TLL1: variants seen among roughly 807,000 people sequenced by gnomAD.
TLL1 encodes the protein tolloid-like protein 1.
In TLL1, 49 loss-of-function variants were observed where a neutral mutation model predicts 128.2. The ratio of observed to expected loss-of-function variants is 0.38; its 90% CI spans 0.30 to 0.48. The LOEUF is 0.48. Among genes scored for constraint, TLL1 ranks in the 20% least tolerant of loss-of-function variants. The probability of loss-of-function intolerance (pLI) is 0.96; values close to 1 mark genes in which losing one functional copy is unlikely to be tolerated. For missense variants in TLL1, 1,123 were observed against 1,242.0 expected, an observed-to-expected ratio of 0.90 and a Z score of 1.44; for synonymous variants, 454 against 418.8, an observed-to-expected ratio of 1.08 and a Z score of -1.03.
At chr4:166,094,377 CATTCTT>C (rs1202279395) in intron 19 of TLL1, among the ~76,000 whole-genome samples, 1 of 152,054 alleles carries the variant, frequency 6.6e-6, no homozygotes, top group Non-Finnish European at 1.5e-5. Flanking sequence ...ATAAAACTGT[CATTCTT>C]ATTAGGTGAA....
chr4:166,007,472 GTTTAACTAATA>G (rs2111040513), intron 6 of TLL1, among the ~76,000 whole-genome samples: 1 of 151,740 alleles, frequency 6.6e-6, no homozygotes, highest in East Asian at 1.9e-4. Context: ...GCAGAGCTCT[GTTTAACTAATA>G]TTGCTTTTAT....
intron 1 of TLL1, among the ~76,000 whole-genome samples, chr4:165,921,572 T>G (rs1375272755): frequency 6.6e-6 from 1 of 152,190 alleles, no homozygotes; most frequent in African/African-American, 2.4e-5. Context: ...CCGGGGACCC[T>G]TCTTTCAAAG....
At chr4:165,912,615 C>G (rs1200355523) in intron 1 of TLL1, among the ~76,000 whole-genome samples, 2 of 152,192 alleles carry the variant, frequency 1.3e-5, no homozygotes, top group African/African-American at 4.8e-5. Flanking sequence ...GATTAGAATC[C>G]CTGCCCATGT....
rs557400622 is a variant in TLL1, at chr4:165,967,617, C to G, written c.170-21764C>G. On this transcript the variant is annotated intron_variant, in intron 1 of 20. Transcript: ENST00000061240. ...GCAAAAGAGTGATGTTAAAAGCATT[C>G]CAGGAAGATTAATCTGGTTGAGTGG... is the stretch of plus-strand genomic sequence containing the variant. Among the ~76,000 whole-genome samples the G allele has an allele frequency of 2.0e-5, 3 of 152,200 alleles. No homozygotes were observed. In the South Asian group the frequency reaches 6.2e-4, roughly 32 times the overall value.
intron 12 of TLL1, among the ~76,000 whole-genome samples, chr4:166,052,444 G>A (rs554921945): frequency 8.7e-4 from 133 of 152,138 alleles, no homozygotes; most frequent in Admixed American, 2.2e-3. Context: ...ACAGGTGCCT[G>A]CCACCATGCC....
intron 1 of TLL1, among the ~76,000 whole-genome samples, chr4:165,878,599 C>G (rs1222874289): frequency 1.3e-5 from 2 of 152,104 alleles, no homozygotes; most frequent in East Asian, 3.9e-4. Flanking sequence ...AATATATTCC[C>G]TCAGACTGAG....
At chr4:166,099,029 T>A (rs1042705567) in intron 19 of TLL1, among the ~76,000 whole-genome samples, 1 of 152,094 alleles carries the variant, frequency 6.6e-6, no homozygotes, top group African/African-American at 2.4e-5. Flanking sequence ...CTCAAAGACA[T>A]CACTTACCCA....
At chr4:165,887,422 TAAAAG>T (rs577984563) in intron 1 of TLL1, among the ~76,000 whole-genome samples, 75 of 152,030 alleles carry the variant, frequency 4.9e-4, no homozygotes, top group African/African-American at 1.5e-3. Flanking sequence ...GTCAAGAAAG[TAAAAG>T]AAAAGAAAAG....
intron 12 of TLL1, among the ~76,000 whole-genome samples, chr4:166,052,082 G>T (rs1480367261): frequency 2.0e-5 from 3 of 151,896 alleles, no homozygotes; most frequent in Non-Finnish European, 2.9e-5. Context: ...TTATAGACCA[G>T]GCAATATATA....
At chr4:165,971,106 ATTAT>A (rs1735609249) in intron 1 of TLL1, among the ~76,000 whole-genome samples, 1 of 152,230 alleles carries the variant, frequency 6.6e-6, no homozygotes, top group South Asian at 2.1e-4. Context: ...AATTAAATAA[ATTAT>A]TTAAGTGATT....
intron 1 of TLL1, among the ~76,000 whole-genome samples, chr4:165,915,186 T>C (rs1215318571): frequency 6.6e-6 from 1 of 152,204 alleles, no homozygotes; most frequent in African/African-American, 2.4e-5. Context: ...TTCATACATA[T>C]GTACTATAAG....
At chr4:165,918,993 T>A (rs1431570588) in intron 1 of TLL1, among the ~76,000 whole-genome samples, 1 of 152,228 alleles carries the variant, frequency 6.6e-6, no homozygotes, top group African/African-American at 2.4e-5. Flanking sequence ...TCTTATGGAC[T>A]ATGTATTAAT....
intron 15 of TLL1, among the ~76,000 whole-genome samples, chr4:166,063,663 A>G (rs1198119592): frequency 2.6e-5 from 4 of 152,150 alleles, no homozygotes; most frequent in African/African-American, 4.8e-5. Context: ...ATGCAGCCAT[A>G]AAAAATGATG....
chr4:165,941,456 A>T (rs1174974217), intron 1 of TLL1, among the ~76,000 whole-genome samples: 1 of 152,146 alleles, frequency 6.6e-6, no homozygotes, highest in African/African-American at 2.4e-5. Flanking sequence ...AGTGCAAGCC[A>T]TTAGAGCATA....
chr4:165,934,770 G>A (rs566304388), intron 1 of TLL1, among the ~76,000 whole-genome samples: 1 of 152,274 alleles, frequency 6.6e-6, no homozygotes, highest in Admixed American at 6.5e-5. Flanking sequence ...CCAGGAAACT[G>A]ATACATTTTA....
chr4:165,904,443 T>C (rs902180435), intron 1 of TLL1, among the ~76,000 whole-genome samples: 1 of 152,200 alleles, frequency 6.6e-6, no homozygotes, highest in African/African-American at 2.4e-5. Flanking sequence ...TGATAAACTT[T>C]ATCGATATGA....
chr4:165,906,235 C>A (rs1330329896), intron 1 of TLL1, among the ~76,000 whole-genome samples: 2 of 152,148 alleles, frequency 1.3e-5, no homozygotes, highest in East Asian at 3.9e-4. Context: ...TAAGAAAATG[C>A]ATGTTAACCT....
intron 12 of TLL1, among the ~76,000 whole-genome samples, chr4:166,051,571 A>T (rs373280354): frequency 6.6e-6 from 1 of 152,098 alleles, no homozygotes; most frequent in Non-Finnish European, 1.5e-5. Flanking sequence ...TCAAATATTC[A>T]TTTGTGCTCA....
intron 8 of TLL1, among the ~76,000 whole-genome samples, chr4:166,015,588 T>A (rs1052841367): frequency 1.1e-4 from 16 of 152,022 alleles, no homozygotes; most frequent in Admixed American, 9.9e-4. Context: ...GCTAGCTAAT[T>A]CATTCATAAA....
Sources: allele counts gnomAD v4.1 joint callset (sites outside exome capture counted in the v4.1 genomes callset), GRCh38; gene constraint gnomAD v4.1.1; transcripts MANE v1.5; gene names NCBI Gene and HGNC (gene_info 2026-07-23, HGNC 2026-07-21).